The following CNTN5 variants were observed in gnomAD, a reference collection of about 807,000 sequenced individuals.
CNTN5 encodes contactin-5.
A neutral mutation model predicts 129.1 loss-of-function variants in CNTN5; 77 were observed. The ratio of observed to expected loss-of-function variants is 0.60; its 90% CI spans 0.50 to 0.72. The LOEUF is 0.72. Ranked by LOEUF, CNTN5 falls within the 30% of genes least tolerant of loss-of-function variation. CNTN5 has a pLI of 0.00. For synonymous variants in CNTN5, 509 were observed against 465.6 expected (o/e 1.09, Z -1.20); for missense variants, 1,478 against 1,328.8 (o/e 1.11, Z -1.75).
intron 3 of CNTN5, among the ~76,000 whole-genome samples, chr11:99,789,382 A>G (rs1945656540): frequency 6.6e-6 from 1 of 152,000 alleles, no homozygotes. Flanking sequence ...ACTGGGGTTT[A>G]AACTTGAGGA....
chr11:99,666,777 T>A (rs547007227), intron 3 of CNTN5, among the ~76,000 whole-genome samples: 85 of 152,258 alleles, frequency 5.6e-4, no homozygotes, highest in Non-Finnish European at 1.0e-3. Flanking sequence ...GGACTTTTTT[T>A]TCCTATCTTA....
chr11:99,829,741 G>C (rs1947078001), intron 4 of CNTN5, among the ~76,000 whole-genome samples: 1 of 152,198 alleles, frequency 6.6e-6, no homozygotes, highest in African/African-American at 2.4e-5. Flanking sequence ...GTAGTTATTT[G>C]AGTACAAAGA....
chr11:100,340,323 A>T, intron 21 of CNTN5, 140 bp from the exon 22 acceptor site: 1 of 601,672 alleles, frequency 1.7e-6, no homozygotes, highest in Middle Eastern at 2.7e-4. Context: ...TATTAGTAAG[A>T]CCTGTTAATT....
At chr11:99,189,032 C>G (rs1212051911) in intron 1 of CNTN5, among the ~76,000 whole-genome samples, 5 of 151,656 alleles carry the variant, frequency 3.3e-5, no homozygotes, top group Admixed American at 6.6e-5. Context: ...TCTACTCTCT[C>G]CTTCTGTGAT....
intron 1 of CNTN5, among the ~76,000 whole-genome samples, chr11:99,149,764 C>T (rs577284660): frequency 6.6e-6 from 1 of 152,004 alleles, no homozygotes; most frequent in Non-Finnish European, 1.5e-5. Flanking sequence ...CATAAAGTCT[C>T]AATTTTTTTT....
chr11:99,487,733 C>G (rs1045183341), intron 2 of CNTN5, among the ~76,000 whole-genome samples: 1 of 152,136 alleles, frequency 6.6e-6, no homozygotes, highest in African/African-American at 2.4e-5. Context: ...TCTTTTCAAC[C>G]AGGAGACTCC....
Position 99,850,728 on chromosome 11 carries a change from A to G in CNTN5, c.577+5466A>G, listed in dbSNP as rs567586344. The stretch of plus-strand genomic sequence containing the variant: ...ACAGGTCAAGGTAGTACAGACCATA[A>G]AGTGAAACAAATATTTCCCTGGTGG... On this transcript the variant is annotated intron_variant, in intron 6 of 24. Coordinates refer to ENST00000524871, the MANE Select transcript of CNTN5 (RefSeq NM_014361.4). Among the ~76,000 whole-genome samples the G allele has an allele frequency of 3.9e-5, 6 of 152,254 alleles. 1 individual carries two copies. In the South Asian group the frequency reaches 1.2e-3, roughly 32 times the overall value.
intron 3 of CNTN5, among the ~76,000 whole-genome samples, chr11:99,713,941 T>G (rs1258999707): frequency 6.6e-6 from 1 of 151,936 alleles, no homozygotes; most frequent in African/African-American, 2.4e-5. Flanking sequence ...CTTAATAGAA[T>G]TCTTAGATTT....
chr11:100,115,115 T>TAAAAAA (rs11388029), intron 13 of CNTN5, among the ~76,000 whole-genome samples: 301 of 77,950 alleles, frequency 3.9e-3, no homozygotes, highest in African/African-American at 6.6e-3. Context: ...AGGTATACAG[T>TAAAAAA]AAAAAAAAAA....
chr11:100,350,906 A>G (rs1952397019), intron 24 of CNTN5, 36 bp downstream of exon 24: 2 of 1,483,110 alleles, frequency 1.3e-6, no homozygotes, highest in Middle Eastern at 1.8e-4. Flanking sequence ...TTTGCTGACA[A>G]CCAACAATTA....
intron 2 of CNTN5, among the ~76,000 whole-genome samples, chr11:99,555,008 G>T (rs1186611897): frequency 1.3e-5 from 2 of 151,876 alleles, no homozygotes; most frequent in African/African-American, 4.8e-5. Flanking sequence ...CTCCATTAAT[G>T]ATCCCCAAAT....
Position 99,600,618 on chromosome 11 carries a change from C to T in CNTN5, c.55+44349C>T, listed in dbSNP as rs150682104. 2.7e-3 allele frequency among the ~76,000 whole-genome samples: 409 copies of T among 152,224 alleles called. 3 individuals are homozygous for T. The highest frequency in any genetic ancestry group is 3.7e-3 in the Non-Finnish European group (250 of 68,016). On this transcript the variant is annotated intron_variant, in intron 3 of 24. Transcript: ENST00000524871. ...GACTCCGGAGGATTGGGGTACTGTTCTCTGAAGTTCTCAGCCAGCCCTCTA... is the reference window on the plus strand; with the variant it reads ...GACTCCGGAGGATTGGGGTACTGTTTTCTGAAGTTCTCAGCCAGCCCTCTA...
At chr11:99,626,529 A>G (rs889431553) in intron 3 of CNTN5, among the ~76,000 whole-genome samples, 5 of 152,182 alleles carry the variant, frequency 3.3e-5, no homozygotes, top group African/African-American at 9.6e-5. Context: ...GCCCTTCTTC[A>G]AGAAGTCTTC....
intron 2 of CNTN5, among the ~76,000 whole-genome samples, chr11:99,426,355 A>C (rs778009310): frequency 4.6e-5 from 7 of 152,202 alleles, no homozygotes; most frequent in Non-Finnish European, 7.3e-5. Context: ...ATATTTCCAA[A>C]AAAAGGGCAA....
chr11:99,769,874 A>G (rs1944885956), intron 3 of CNTN5, among the ~76,000 whole-genome samples: 1 of 151,958 alleles, frequency 6.6e-6, no homozygotes, highest in Non-Finnish European at 1.5e-5. Context: ...CAAGTCTAAT[A>G]TGGTATAGAC....
chr11:99,662,962 A>G (rs960313670), intron 3 of CNTN5, among the ~76,000 whole-genome samples: 10 of 152,240 alleles, frequency 6.6e-5, no homozygotes, highest in African/African-American at 2.4e-4. Flanking sequence ...AACACTGAAT[A>G]TACAATAGAA....
chr11:99,791,371 G>T (rs1235968428), intron 3 of CNTN5, among the ~76,000 whole-genome samples: 12 of 152,110 alleles, frequency 7.9e-5, no homozygotes, highest in African/African-American at 2.9e-4. Flanking sequence ...TGGCTAGCAG[G>T]TTATTCCAAC....
chr11:99,924,083 C>G (rs1591429090), intron 7 of CNTN5, among the ~76,000 whole-genome samples: 1 of 152,218 alleles, frequency 6.6e-6, no homozygotes, highest in Admixed American at 6.5e-5. Context: ...AGCCGCCACA[C>G]CCGGCATCTA....
chr11:99,120,162 A>C (rs1858238340), intron 1 of CNTN5: 1 of 152,000 alleles, frequency 6.6e-6, no homozygotes, highest in Admixed American at 6.6e-5. Flanking sequence ...TTTTGTTGCA[A>C]TTGCTTTTGG....
Sources: gnomAD v4.1 joint callset for allele counts (sites outside exome capture counted in the v4.1 genomes callset) on GRCh38, gnomAD v4.1.1 for gene constraint, MANE v1.5 for transcripts, NCBI Gene and HGNC (gene_info 2026-07-23, HGNC 2026-07-21) for gene names.